CLVS1: variants seen among roughly 807,000 people sequenced by gnomAD.
CLVS1 encodes the protein clavesin-1.
Under a neutral mutation model 33.1 loss-of-function variants are expected in CLVS1, and 10 were observed. The ratio of observed to expected loss-of-function variants is 0.30; its 90% confidence interval spans 0.19 to 0.51. The LOEUF (loss-of-function observed/expected upper bound fraction) is 0.51, where lower values mean the gene tolerates loss of function less well. Ranked by LOEUF, CLVS1 falls within the 20% of genes least tolerant of loss-of-function variation. The probability of loss-of-function intolerance (pLI) is 0.97; values close to 1 mark genes in which losing one functional copy is unlikely to be tolerated. For missense variants in CLVS1, 343 were observed against 433.4 expected (o/e 0.79, Z 1.85); for synonymous variants, 163 against 166.1 (o/e 0.98, Z 0.14).
chr8:61,076,848 A>G (rs1804920826), intron 1 of CLVS1, among the ~76,000 whole-genome samples: 1 of 152,216 alleles, frequency 6.6e-6, no homozygotes, highest in Admixed American at 6.5e-5. Context: ...CAAAGGCCAG[A>G]GTCCCTGCAC....
intron 2 of CLVS1, among the ~76,000 whole-genome samples, chr8:61,369,932 G>A (rs1028076640): frequency 9.2e-5 from 14 of 152,220 alleles, no homozygotes; most frequent in Non-Finnish European, 8.8e-5. Context: ...GAAAGGCAAA[G>A]CACACTCTGA....
chr8:61,252,654 C>G (rs1808976048), intron 2 of CLVS1, among the ~76,000 whole-genome samples: 1 of 152,164 alleles, frequency 6.6e-6, no homozygotes, highest in African/African-American at 2.4e-5. Flanking sequence ...CTGAATTGGT[C>G]CCTTTACCAT....
chr8:61,093,217 C>T (rs1241593049), intron 1 of CLVS1, among the ~76,000 whole-genome samples: 1 of 152,170 alleles, frequency 6.6e-6, no homozygotes. Context: ...AGGACTGACT[C>T]AATCAAAATA....
chr8:61,363,454 A>G (rs1439199756), intron 2 of CLVS1, among the ~76,000 whole-genome samples: 1 of 152,180 alleles, frequency 6.6e-6, no homozygotes, highest in Non-Finnish European at 1.5e-5. Flanking sequence ...ACTGGCTCTG[A>G]TTGCTTAGAG....
At chr8:61,439,254 T>C (rs1042227133) in intron 3 of CLVS1, among the ~76,000 whole-genome samples, 2 of 152,240 alleles carry the variant, frequency 1.3e-5, no homozygotes, top group Admixed American at 6.5e-5. Flanking sequence ...TTTTAAATAA[T>C]GAGCAATCAT....
chr8:61,022,346 C>T, the CLVS1 span, among the ~76,000 whole-genome samples: 7 of 152,196 alleles, frequency 4.6e-5, no homozygotes, highest in Non-Finnish European at 5.9e-5. Flanking sequence ...TATAGTTTAA[C>T]GAGCAGCTTA....
chr8:61,243,109 G>T (rs1415676085), intron 2 of CLVS1, among the ~76,000 whole-genome samples: 2 of 152,136 alleles, frequency 1.3e-5, no homozygotes, highest in Non-Finnish European at 2.9e-5. Context: ...GCTCAGAAGA[G>T]TATTCATTTA....
At chr8:61,262,962 T>G (rs537399607) in intron 2 of CLVS1, among the ~76,000 whole-genome samples, 2 of 152,304 alleles carry the variant, frequency 1.3e-5, no homozygotes, top group Non-Finnish European at 2.9e-5. Context: ...TAAGATGATC[T>G]TATGGGCAAT....
chr8:61,258,904 C>T (rs1417534123), intron 2 of CLVS1, among the ~76,000 whole-genome samples: 4 of 152,052 alleles, frequency 2.6e-5, no homozygotes, highest in Non-Finnish European at 4.4e-5. Context: ...TTTATACATT[C>T]CAAAGGTATA....
intron 2 of CLVS1, among the ~76,000 whole-genome samples, chr8:61,189,521 CA>C (rs1207780796): frequency 3.9e-5 from 6 of 152,164 alleles, no homozygotes; most frequent in Admixed American, 6.5e-5. Flanking sequence ...TCACACATAA[CA>C]ATATAACCTT....
At chr8:61,253,567 G>A (rs1808999341) in intron 2 of CLVS1, among the ~76,000 whole-genome samples, 2 of 152,154 alleles carry the variant, frequency 1.3e-5, no homozygotes, top group South Asian at 2.1e-4. Flanking sequence ...CCAATCAGAC[G>A]TAGATTTGGT....
intron 2 of CLVS1, among the ~76,000 whole-genome samples, chr8:61,307,088 C>T (rs1017641976): frequency 1.3e-5 from 2 of 152,076 alleles, no homozygotes; most frequent in African/African-American, 4.8e-5. Context: ...ATAATAAAAG[C>T]CCCAGAATAC....
At chr8:61,331,804 TCTCCTC>T (rs1182877348) in intron 2 of CLVS1, among the ~76,000 whole-genome samples, 14 of 148,852 alleles carry the variant, frequency 9.4e-5, no homozygotes, top group Admixed American at 1.3e-4. Flanking sequence ...TTCTTCTTCT[TCTCCTC>T]CTCCTCCTCC....
chr8:61,331,517 A>T (rs1811588406), intron 2 of CLVS1, among the ~76,000 whole-genome samples: 1 of 138,998 alleles, frequency 7.2e-6, no homozygotes. Flanking sequence ...ATTTCCTGGA[A>T]TTGCCTTCCC....
the CLVS1 span, among the ~76,000 whole-genome samples, chr8:61,004,691 G>A: frequency 6.6e-6 from 1 of 152,196 alleles, no homozygotes; most frequent in Non-Finnish European, 1.5e-5. Flanking sequence ...GGGCCTGCGC[G>A]GGCCTGGAGG....
At chr8:61,250,094 A>G (rs1220539534) in intron 2 of CLVS1, among the ~76,000 whole-genome samples, 2 of 152,082 alleles carry the variant, frequency 1.3e-5, no homozygotes, top group Non-Finnish European at 2.9e-5. Context: ...ATTTTTTTGT[A>G]TAAGGTGTAA....
intron 2 of CLVS1, among the ~76,000 whole-genome samples, chr8:61,200,195 T>G (rs909327658): frequency 2.0e-5 from 3 of 152,210 alleles, no homozygotes; most frequent in Non-Finnish European, 2.9e-5. Context: ...CTCGGCTCAC[T>G]GCAACCTCCA....
At chr8:61,091,887 G>A (rs989695935) in intron 1 of CLVS1, among the ~76,000 whole-genome samples, 1 of 152,190 alleles carries the variant, frequency 6.6e-6, no homozygotes, top group Non-Finnish European at 1.5e-5. Flanking sequence ...CTTGTGAGGT[G>A]TGTCTTTGAT....
At chr8:61,081,036 G>T (rs1048046714) in intron 1 of CLVS1, among the ~76,000 whole-genome samples, 2 of 152,194 alleles carry the variant, frequency 1.3e-5, no homozygotes, top group African/African-American at 4.8e-5. Context: ...TCTTAGTTTG[G>T]TTGGGAGTAG....
Sources: allele counts gnomAD v4.1 joint callset (sites outside exome capture counted in the v4.1 genomes callset), GRCh38; gene constraint gnomAD v4.1.1; transcripts MANE v1.5; gene names NCBI Gene and HGNC (gene_info 2026-07-23, HGNC 2026-07-21).